STPG2: variants seen among roughly 807,000 people sequenced by gnomAD.
STPG2 encodes the protein sperm-tail PG-rich repeat-containing protein 2.
In STPG2, 56 loss-of-function variants were observed where a neutral mutation model predicts 54.2. That is an observed-to-expected ratio of 1.03 (90% CI 0.83 to 1.29). STPG2 has a LOEUF of 1.29. Among genes scored for constraint, STPG2 ranks in the 50% most tolerant of loss-of-function variants. STPG2 has a pLI of 0.00. For synonymous variants in STPG2, 200 were observed against 181.8 expected (o/e 1.10, Z -0.81); for missense variants, 596 against 544.9 (o/e 1.09, Z -0.93).
chr4:97,524,407 A>C (rs1437731011), intron 4 of STPG2, among the ~76,000 whole-genome samples: 2 of 151,976 alleles, frequency 1.3e-5, no homozygotes, highest in Non-Finnish European at 2.9e-5. Flanking sequence ...TCTTGAAAGC[A>C]AATTTAAAAT....
intron 4 of STPG2, among the ~76,000 whole-genome samples, chr4:97,478,771 T>C (rs1334529043): frequency 6.6e-6 from 1 of 151,984 alleles, no homozygotes; most frequent in African/African-American, 2.4e-5. Context: ...GAAGGGCTTG[T>C]TAACTGTATC....
intron 8 of STPG2, among the ~76,000 whole-genome samples, chr4:97,886,573 G>A (rs139201478): frequency 5.3e-5 from 8 of 152,276 alleles, no homozygotes; most frequent in East Asian, 1.9e-4. Flanking sequence ...ACCTGTAAAC[G>A]TATGTTTCTG....
At chr4:97,898,180 AT>A (rs1731033799) in intron 8 of STPG2, among the ~76,000 whole-genome samples, 1 of 151,924 alleles carries the variant, frequency 6.6e-6, no homozygotes, top group East Asian at 1.9e-4. Flanking sequence ...CCATTGCTTG[AT>A]TTTGTCAGCT....
At chr4:98,045,986 G>A (rs1022096290) in intron 5 of STPG2, among the ~76,000 whole-genome samples, 2 of 56,158 alleles carry the variant, frequency 3.6e-5, no homozygotes, top group African/African-American at 1.6e-4. Context: ...TTCAAATAAT[G>A]TATACATTGT....
chr4:98,095,276 C>G (rs1738819918), intron 5 of STPG2, among the ~76,000 whole-genome samples: 1 of 152,094 alleles, frequency 6.6e-6, no homozygotes, highest in African/African-American at 2.4e-5. Context: ...GACCACAAAA[C>G]AACCAGAAAA....
intron 9 of STPG2, among the ~76,000 whole-genome samples, chr4:97,748,493 T>A (rs758190826): frequency 2.1e-4 from 32 of 151,496 alleles, no homozygotes; most frequent in Non-Finnish European, 4.1e-4. Context: ...TTTGTAAAAA[T>A]TTCTGATTAT....
intron 8 of STPG2, among the ~76,000 whole-genome samples, chr4:97,924,913 G>A (rs1364705389): frequency 2.0e-5 from 3 of 152,152 alleles, no homozygotes; most frequent in South Asian, 2.1e-4. Flanking sequence ...GATACAAAAT[G>A]TTGGATGGAT....
At chr4:97,855,578 T>A (rs146667252) in intron 8 of STPG2, among the ~76,000 whole-genome samples, 1,626 of 152,250 alleles carry the variant, frequency 0.011, 32 homozygotes, top group African/African-American at 0.036. Flanking sequence ...CTTTGTCAGA[T>A]GGATAGATTG....
chr4:97,568,900 G>T (rs1414794878), intron 10 of STPG2, among the ~76,000 whole-genome samples: 9 of 143,742 alleles, frequency 6.3e-5, no homozygotes, highest in East Asian at 2.0e-4. Context: ...TTTTTGTTTT[G>T]TTTTTTTTTT....
chr4:98,135,142 T>C (rs990985698), intron 1 of STPG2, among the ~76,000 whole-genome samples: 10 of 151,808 alleles, frequency 6.6e-5, no homozygotes, highest in African/African-American at 2.4e-4. Flanking sequence ...TGGGAGAGAA[T>C]AGAGCAGCAG....
intron 10 of STPG2, among the ~76,000 whole-genome samples, chr4:97,605,986 T>C (rs945493888): frequency 6.6e-6 from 1 of 151,862 alleles, no homozygotes; most frequent in African/African-American, 2.4e-5. Flanking sequence ...CTATGGAATT[T>C]TTAGATCTAA....
intron 8 of STPG2, among the ~76,000 whole-genome samples, chr4:97,885,861 A>G (rs1262194928): frequency 6.6e-6 from 1 of 152,172 alleles, no homozygotes; most frequent in Non-Finnish European, 1.5e-5. Flanking sequence ...ACTTGAGAAA[A>G]CTCAAGAAAA....
rs527522865 is a variant in STPG2, at chr4:97,779,661, A to T, written c.1204+61112T>A. Among the ~76,000 whole-genome samples, 12 of 152,344 alleles carry T rather than the reference A, an allele frequency of 7.9e-5. No homozygotes were observed. In the Middle Eastern group the frequency reaches 0.014, roughly 173 times the overall value. ...CACCAAAGTTCAAATGAAAGAAAAA[A>T]TATTAAGGGCAGCCAGAGAGAAAGA... On this transcript the variant is annotated intron_variant, in intron 9 of 10. Transcript: ENST00000295268.
At chr4:97,455,003 T>C (rs1238396588) in intron 4 of STPG2, among the ~76,000 whole-genome samples, 1 of 151,962 alleles carries the variant, frequency 6.6e-6, no homozygotes, top group Admixed American at 6.6e-5. Flanking sequence ...ATTATACAGC[T>C]ACAGTTATCA....
chr4:97,512,536 G>A (rs1439491539), intron 4 of STPG2, among the ~76,000 whole-genome samples: 3 of 151,862 alleles, frequency 2.0e-5, no homozygotes, highest in Non-Finnish European at 4.4e-5. Flanking sequence ...AAGTATGTGA[G>A]TGTTAATGAA....
intron 10 of STPG2, among the ~76,000 whole-genome samples, chr4:97,564,719 C>A (rs1452546778): frequency 6.6e-6 from 1 of 152,082 alleles, no homozygotes; most frequent in African/African-American, 2.4e-5. Context: ...ATATGAAATT[C>A]TGGGTTGAAA....
intron 5 of STPG2, among the ~76,000 whole-genome samples, chr4:98,072,635 A>G (rs1738041668): frequency 6.6e-6 from 1 of 152,040 alleles, no homozygotes; most frequent in South Asian, 2.1e-4. Context: ...AGAGTCCACT[A>G]ATTTCAGTAA....
At position 98,109,449 on chromosome 4, in the gene STPG2, T is replaced by G. The variant is rs1228830441; in HGVS notation, c.388-144A>C. On this transcript the variant is annotated intron_variant, in intron 3 of 10. Coordinates refer to ENST00000295268, the MANE Select transcript of STPG2 (RefSeq NM_174952.3). ...CCACTGGTAAATGCTAAAGTGCTCTTGGATAGATCCCAGGCTAAGTTGTCA... is the reference window on the plus strand; with the variant it reads ...CCACTGGTAAATGCTAAAGTGCTCTGGGATAGATCCCAGGCTAAGTTGTCA... 8.5e-6 allele frequency: 5 copies of G among 585,716 alleles called. No individual in the cohort carries two copies. The Admixed American group carries it at 1.2e-4, about 14-fold the overall frequency. 36.3% of individuals were successfully genotyped at this position (585,716 alleles called of 1,614,324 possible).
intron 10 of STPG2, among the ~76,000 whole-genome samples, chr4:97,691,715 C>G (rs2148989040): frequency 6.6e-6 from 1 of 152,274 alleles, no homozygotes; most frequent in Middle Eastern, 3.4e-3. Context: ...CTTGAAATCA[C>G]CAACTCCTGG....
Sources: gnomAD v4.1 joint callset for allele counts (sites outside exome capture counted in the v4.1 genomes callset) on GRCh38, gnomAD v4.1.1 for gene constraint, MANE v1.5 for transcripts, NCBI Gene and HGNC (gene_info 2026-07-23, HGNC 2026-07-21) for gene names.